The following UBE3B variants were observed in gnomAD, a reference collection of about 807,000 sequenced individuals.
UBE3B encodes the protein ubiquitin protein ligase E3B.
In UBE3B, 80 loss-of-function variants were observed where a neutral mutation model predicts 132.3. The ratio of observed to expected loss-of-function variants is 0.60; its 90% confidence interval spans 0.50 to 0.73. UBE3B has a LOEUF of 0.73. Ranked by LOEUF, UBE3B falls within the 30% of genes least tolerant of loss-of-function variation. The probability of loss-of-function intolerance (pLI) is 0.00; values close to 1 mark genes in which losing one functional copy is unlikely to be tolerated. For synonymous variants in UBE3B, 487 were observed against 520.4 expected (o/e 0.94, Z 0.87); for missense variants, 1,196 against 1,362.5 (o/e 0.88, Z 1.92).
chr12:109,539,070 T>C (rs571342065), downstream of UBE3B, among the ~76,000 whole-genome samples: 28 of 152,246 alleles, frequency 1.8e-4, 1 homozygote, highest in South Asian at 3.3e-3. Context: ...ACCCTGTCTC[T>C]ACTAAAAATA....
In UBE3B at chr12:109,518,111, G is replaced by A. The variant is rs114293742; in HGVS notation, c.2076+1227G>A. On this transcript the variant is annotated intron_variant, in intron 19 of 27. Coordinates refer to ENST00000342494, the MANE Select transcript of UBE3B (RefSeq NM_130466.4). ...CTCATTACAGGAGCATTCTGTTTGC[G>A]TGCTAGACATATAGAAATAATCTCC... 905 of 234,214 alleles carry A rather than the reference G, an allele frequency of 3.9e-3. 5 individuals are homozygous for A. Among genetic ancestry groups the A allele is most frequent in the African/African-American group, 0.019 (832 of 44,724 alleles). 14.5% of individuals were successfully genotyped at this position (234,214 alleles called of 1,614,324 possible). A position where few individuals can be genotyped will look rare whatever the true frequency, so the allele number is the denominator to read the frequency against.
chr12:109,531,070 G>A (rs1467207554), intron 26 of UBE3B, among the ~76,000 whole-genome samples: 1 of 152,084 alleles, frequency 6.6e-6, no homozygotes, highest in Non-Finnish European at 1.5e-5. Flanking sequence ...CTCCAGTATG[G>A]AATTGTCAAC....
the UBE3B span, among the ~76,000 whole-genome samples, chr12:109,546,534 A>G: frequency 6.6e-6 from 1 of 152,246 alleles, no homozygotes; most frequent in African/African-American, 2.4e-5. Flanking sequence ...AACCAGCTCC[A>G]GCCAGCAACC....
At chr12:109,497,361 T>C (rs1417295636) in intron 9 of UBE3B, among the ~76,000 whole-genome samples, 1 of 152,002 alleles carries the variant, frequency 6.6e-6, no homozygotes, top group African/African-American at 2.4e-5. Context: ...CTATAGTGTA[T>C]ATATAGTTTT....
At chr12:109,533,431 T>C in intron 26 of UBE3B, 35 bp from the exon 27 acceptor site, 1 of 1,586,252 alleles carries the variant, frequency 6.3e-7, no homozygotes, top group Non-Finnish European at 8.7e-7. Context: ...AGCAGGAGCC[T>C]GCCCCGTCCC....
chr12:109,500,490 T>C (rs1407024496), intron 12 of UBE3B, among the ~76,000 whole-genome samples: 1 of 152,166 alleles, frequency 6.6e-6, no homozygotes, highest in Non-Finnish European at 1.5e-5. Context: ...CCCAAATTTT[T>C]CTTTTGTTGT....
intron 23 of UBE3B, 86 bp downstream of exon 23, chr12:109,524,589 A>G (rs1395705822): frequency 5.5e-6 from 8 of 1,464,064 alleles, no homozygotes; most frequent in Non-Finnish European, 7.6e-6. Context: ...CCTCAGAAAG[A>G]GCCCCAAGCT....
intron 11 of UBE3B, 115 bp downstream of exon 11, chr12:109,498,468 A>G: frequency 8.7e-7 from 1 of 1,153,148 alleles, no homozygotes; most frequent in Admixed American, 2.4e-5. Context: ...GGAAGTGCTT[A>G]CAATAAAAAA....
At chr12:109,498,857 A>C (rs1351500540) in intron 11 of UBE3B, among the ~76,000 whole-genome samples, 1 of 150,872 alleles carries the variant, frequency 6.6e-6, no homozygotes, top group Non-Finnish European at 1.5e-5. Context: ...ACAGGGTCTC[A>C]CTTTGTCACC....
chr12:109,522,700 C>G lies in UBE3B; in HGVS notation c.2364+1149C>G, dbSNP rs1443151151. On this transcript the variant is annotated intron_variant, in intron 21 of 27. Coordinates refer to ENST00000342494, the MANE Select transcript of UBE3B (RefSeq NM_130466.4). The surrounding 1 kb of genome is among the most constrained non-coding windows in gnomAD (Gnocchi z 4.2). Reference sequence around the variant, plus strand: ...ATTGTTCTCTCTGTCTGGAAACAGTCTATGTGCACCGGCCTCAGTCCCTGG... The same window carrying G: ...ATTGTTCTCTCTGTCTGGAAACAGTGTATGTGCACCGGCCTCAGTCCCTGG... Among the ~76,000 whole-genome samples, 2 of 152,204 alleles carry G rather than the reference C, an allele frequency of 1.3e-5. No homozygotes were observed. Among genetic ancestry groups the G allele is most frequent in the Non-Finnish European group, 2.9e-5 (2 of 68,042 alleles).
In UBE3B at chr12:109,521,872, C is replaced by T. The variant is rs1231648635; in HGVS notation, c.2364+321C>T. Among the ~76,000 whole-genome samples the T allele has an allele frequency of 2.0e-5, 3 of 152,158 alleles. No individual in the cohort carries two copies. Among genetic ancestry groups the T allele is most frequent in the Admixed American group, 1.3e-4 (2 of 15,274 alleles). Reference sequence around the variant, plus strand: ...GTAGAGGTGGAATTTGAACCCAGGCCGGCCCAAGTCCTAAGGCCAGCCCTC... The same window carrying T: ...GTAGAGGTGGAATTTGAACCCAGGCTGGCCCAAGTCCTAAGGCCAGCCCTC... On this transcript the variant is annotated intron_variant, in intron 21 of 27. Coordinates refer to ENST00000342494, the MANE Select transcript of UBE3B (RefSeq NM_130466.4). The surrounding 1 kb of genome is among the most constrained non-coding windows in gnomAD (Gnocchi z 4.2).
At position 109,501,378 on chromosome 12, in the gene UBE3B, G is replaced by A. The variant is rs144278603; in HGVS notation, c.1126G>A (p.Glu376Lys). ...TCCTCTGCTCTCTCCTAGCCTTAAC[G>A]AGTCAATGCACTTGATCACCAAACA... Reference protein sequence around the residue: ...FSQSVDYGLNESMHLITKQLQ... With the variant: ...FSQSVDYGLNKSMHLITKQLQ... The change falls in exon 13 of 28, where the codon GAG (glutamate) becomes AAG (lysine). Residue 376 changes from glutamate to lysine, a missense_variant. Physicochemically the swap from Glu to Lys is moderately conservative, Grantham distance 56. Transcript: ENST00000342494. 13 of 1,613,974 alleles carry A rather than the reference G, an allele frequency of 8.1e-6. No homozygotes were observed. In the African/African-American group the frequency reaches 9.3e-5, roughly 12 times the overall value.
chr12:109,490,141 C>G (rs942385517), intron 8 of UBE3B, 137 bp downstream of exon 8: 4 of 933,072 alleles, frequency 4.3e-6, no homozygotes. Flanking sequence ...GCCTGCTGTC[C>G]TCTTCTTCCT....
At chr12:109,505,601 A>G (rs1427312516) in intron 14 of UBE3B, among the ~76,000 whole-genome samples, 1 of 152,232 alleles carries the variant, frequency 6.6e-6, no homozygotes, top group Non-Finnish European at 1.5e-5. Context: ...TTGAAAGACT[A>G]GTTATGAGTG....
At chr12:109,518,798 A>G (rs1881363373) in intron 19 of UBE3B, among the ~76,000 whole-genome samples, 1 of 152,220 alleles carries the variant, frequency 6.6e-6, no homozygotes, top group Non-Finnish European at 1.5e-5. Flanking sequence ...TGTCTGTCTT[A>G]GGCTTTAGGC....
intron 11 of UBE3B, among the ~76,000 whole-genome samples, chr12:109,499,182 T>C (rs1191174367): frequency 6.6e-6 from 1 of 152,196 alleles, no homozygotes; most frequent in South Asian, 2.1e-4. Flanking sequence ...CTGGTGAACG[T>C]TGAATAACAG....
At chr12:109,497,713 C>T in intron 9 of UBE3B, 105 bp from the exon 10 acceptor site, 1 of 1,159,460 alleles carries the variant, frequency 8.6e-7, no homozygotes, top group South Asian at 1.3e-5. Context: ...CTCAGAAATC[C>T]CACGCAGAAT....
chr12:109,533,075 C>T (rs1467621956), intron 26 of UBE3B, among the ~76,000 whole-genome samples: 1 of 152,188 alleles, frequency 6.6e-6, no homozygotes, highest in East Asian at 1.9e-4. Context: ...TTTCTCCTCA[C>T]ATGGTCTCTC....
At chr12:109,526,929 C>A (rs1164462934) in intron 24 of UBE3B, among the ~76,000 whole-genome samples, 1 of 151,708 alleles carries the variant, frequency 6.6e-6, no homozygotes, top group African/African-American at 2.4e-5. Flanking sequence ...TTTGCAGTAG[C>A]ACTTCTAAGG....
Sources: allele counts gnomAD v4.1 joint callset (sites outside exome capture counted in the v4.1 genomes callset), GRCh38; gene constraint gnomAD v4.1.1; non-coding constraint Gnocchi (gnomAD v3.1); transcripts MANE v1.5; gene names NCBI Gene and HGNC (gene_info 2026-07-23, HGNC 2026-07-21).